The following DLGAP1 variants were observed in gnomAD, a reference collection of about 807,000 sequenced individuals.
DLGAP1 encodes the protein DLG associated protein 1, also known as disks large-associated protein 1.
In DLGAP1, 11 loss-of-function variants were observed where a neutral mutation model predicts 90.8. The ratio of observed to expected loss-of-function variants is 0.12; its 90% CI spans 0.08 to 0.20. The LOEUF is 0.20. Ranked by LOEUF, DLGAP1 falls within the 10% of genes least tolerant of loss-of-function variation. The probability of loss-of-function intolerance (pLI) is 1.00; values close to 1 mark genes in which losing one functional copy is unlikely to be tolerated. For synonymous variants in DLGAP1, 558 were observed against 540.7 expected (o/e 1.03, Z -0.44); for missense variants, 1,050 against 1,333.8 (o/e 0.79, Z 3.31).
chr18:3,926,491 A>G (rs1382736205), intron 3 of DLGAP1, among the ~76,000 whole-genome samples: 4 of 102,046 alleles, frequency 3.9e-5, no homozygotes, highest in African/African-American at 7.4e-5. Context: ...ATTTATATGT[A>G]TATAAATATA....
At chr18:3,721,600 A>T (rs766580452) in intron 7 of DLGAP1, 9 of 152,204 alleles carry the variant, frequency 5.9e-5, no homozygotes, top group Non-Finnish European at 1.0e-4. Context: ...ATGTTTCTTT[A>T]AAAAAGAGAA....
chr18:4,224,200 C>T (rs751924601), intron 1 of DLGAP1, among the ~76,000 whole-genome samples: 1 of 152,212 alleles, frequency 6.6e-6, no homozygotes, highest in African/African-American at 2.4e-5. Context: ...CCAGGTAGCA[C>T]ACACTGTGGG....
chr18:3,886,246 CT>C (rs1437323189), intron 3 of DLGAP1, among the ~76,000 whole-genome samples: 4 of 152,138 alleles, frequency 2.6e-5, no homozygotes, highest in African/African-American at 7.2e-5. Flanking sequence ...CTCCATGAAT[CT>C]TTTCAGGGTC....
chr18:3,811,237 A>G lies in DLGAP1; in HGVS notation c.1172+2822T>C, dbSNP rs562286499. Among the ~76,000 whole-genome samples, 4 of 152,364 alleles carry G rather than the reference A, an allele frequency of 2.6e-5. No homozygotes were observed. In the South Asian group the frequency reaches 6.2e-4, roughly 24 times the overall value. ...GAAACGAATGGAGGTAAGTGGAACT[A>G]TGAGAAATGATTCTAGGGGATGTGA... On this transcript the variant is annotated intron_variant, in intron 5 of 12. Coordinates refer to ENST00000315677, the MANE Select transcript of DLGAP1 (RefSeq NM_004746.4).
intron 2 of DLGAP1, among the ~76,000 whole-genome samples, chr18:4,016,521 G>A (rs942168984): frequency 6.6e-6 from 1 of 152,224 alleles, no homozygotes; most frequent in African/African-American, 2.4e-5. Flanking sequence ...GGGGAAGTTT[G>A]TGGCTATCAT....
intron 1 of DLGAP1, among the ~76,000 whole-genome samples, chr18:4,349,178 T>C (rs2081358661): frequency 1.3e-5 from 2 of 152,186 alleles, no homozygotes; most frequent in African/African-American, 4.8e-5. Context: ...ACTCCTCATA[T>C]GACACACTGA....
chr18:4,365,992 G>A (rs902031848), intron 1 of DLGAP1, among the ~76,000 whole-genome samples: 6 of 151,950 alleles, frequency 3.9e-5, no homozygotes, highest in African/African-American at 1.2e-4. Flanking sequence ...ATTTCAAGTG[G>A]AATTATATTA....
intron 2 of DLGAP1, among the ~76,000 whole-genome samples, chr18:4,088,642 T>C (rs2075722997): frequency 6.6e-6 from 1 of 151,590 alleles, no homozygotes. Context: ...TTTTGGGAGG[T>C]TTTTAACCTG....
intron 2 of DLGAP1, among the ~76,000 whole-genome samples, chr18:4,139,923 T>C (rs781101794): frequency 1.3e-5 from 2 of 152,004 alleles, no homozygotes; most frequent in African/African-American, 4.8e-5. Context: ...TAACTATAGC[T>C]ACTCCTGTAC....
At chr18:4,235,424 G>T (rs2078387774) in intron 1 of DLGAP1, among the ~76,000 whole-genome samples, 1 of 152,080 alleles carries the variant, frequency 6.6e-6, no homozygotes, top group Admixed American at 6.6e-5. Context: ...AACCACTTGG[G>T]AATTGCTCAT....
At chr18:3,657,177 C>T (rs1185271234) in intron 7 of DLGAP1, among the ~76,000 whole-genome samples, 1 of 152,184 alleles carries the variant, frequency 6.6e-6, no homozygotes, top group Non-Finnish European at 1.5e-5. Context: ...ACGCAATAGT[C>T]ATGATCATTT....
At chr18:4,386,201 AT>A (rs1317182518) in intron 1 of DLGAP1, among the ~76,000 whole-genome samples, 1 of 152,182 alleles carries the variant, frequency 6.6e-6, no homozygotes, top group Non-Finnish European at 1.5e-5. Flanking sequence ...ATCCTCATTT[AT>A]CATTTTGACA....
chr18:4,052,183 C>T (rs2075143906), intron 2 of DLGAP1, among the ~76,000 whole-genome samples: 2 of 152,222 alleles, frequency 1.3e-5, no homozygotes, highest in Non-Finnish European at 2.9e-5. Context: ...CACAGCTCCA[C>T]TAGGCAGTGT....
intron 7 of DLGAP1, among the ~76,000 whole-genome samples, chr18:3,638,022 C>G (rs2146274497): frequency 6.8e-6 from 1 of 147,774 alleles, no homozygotes; most frequent in South Asian, 2.2e-4. Context: ...TCTTGGCTCA[C>G]TGCAAGCTCC....
chr18:4,170,469 C>T (rs2077004091), intron 1 of DLGAP1, among the ~76,000 whole-genome samples: 1 of 152,040 alleles, frequency 6.6e-6, no homozygotes, highest in Non-Finnish European at 1.5e-5. Flanking sequence ...GGAGTGAGGT[C>T]AGGTGAAAGC....
In DLGAP1 at chr18:4,387,872, A is replaced by C. The variant is rs1277926919; in HGVS notation, c.-267+67134T>G. Among the ~76,000 whole-genome samples, 5 of 150,916 alleles carry C rather than the reference A, an allele frequency of 3.3e-5. No homozygotes were observed. In the South Asian group the frequency reaches 8.4e-4, roughly 26 times the overall value. On this transcript the variant is annotated intron_variant, in intron 1 of 12. Transcript: ENST00000315677. ...CTTGAACCCGGGAGGTGGATGCTGCAGTGAGCTGAGATCACACCACTGCAC... is the reference window on the plus strand; with the variant it reads ...CTTGAACCCGGGAGGTGGATGCTGCCGTGAGCTGAGATCACACCACTGCAC...
intron 1 of DLGAP1, among the ~76,000 whole-genome samples, chr18:4,277,106 T>C (rs1216133200): frequency 6.6e-6 from 1 of 152,234 alleles, no homozygotes; most frequent in African/African-American, 2.4e-5. Flanking sequence ...GGAGGCTTTT[T>C]TCCCTGCTAG....
intron 3 of DLGAP1, among the ~76,000 whole-genome samples, chr18:3,887,677 C>T (rs540559860): frequency 6.6e-6 from 1 of 152,220 alleles, no homozygotes; most frequent in East Asian, 1.9e-4. Context: ...TTCCCGTTTA[C>T]TTATAATAAA....
intron 1 of DLGAP1, among the ~76,000 whole-genome samples, chr18:4,199,110 GT>G (rs1438873501): frequency 4.6e-5 from 7 of 152,226 alleles, no homozygotes; most frequent in Admixed American, 2.6e-4. Context: ...GCATTTGCAA[GT>G]GTGAAATTGG....
Sources: gnomAD v4.1 joint callset for allele counts (sites outside exome capture counted in the v4.1 genomes callset) on GRCh38, gnomAD v4.1.1 for gene constraint, MANE v1.5 for transcripts, NCBI Gene and HGNC (gene_info 2026-07-23, HGNC 2026-07-21) for gene names.